The following CRKL variants were observed in gnomAD, a reference collection of about 807,000 sequenced individuals.
CRKL encodes the protein crk-like protein.
In CRKL, 3 loss-of-function variants were observed where a neutral mutation model predicts 23.0. The observed-to-expected ratio is 0.13, with a 90% CI of 0.06 to 0.34. The LOEUF (loss-of-function observed/expected upper bound fraction) is 0.34. Ranked by LOEUF, CRKL falls within the 10% of genes least tolerant of loss-of-function variation. The probability of loss-of-function intolerance (pLI) is 1.00; values close to 1 mark genes in which losing one functional copy is unlikely to be tolerated. For missense variants in CRKL, 256 were observed against 394.5 expected (o/e 0.65, Z 2.97); for synonymous variants, 188 against 160.7 (o/e 1.17, Z -1.28).
intron 1 of CRKL, among the ~76,000 whole-genome samples, chr22:20,931,893 G>C (rs1921467784): frequency 6.6e-6 from 1 of 151,878 alleles, no homozygotes; most frequent in Admixed American, 6.6e-5. Context: ...CTCACTGCAA[G>C]CTCCGCCTCC....
chr22:20,924,215 G>A (rs1006388315), intron 1 of CRKL, among the ~76,000 whole-genome samples: 1 of 152,088 alleles, frequency 6.6e-6, no homozygotes, highest in African/African-American at 2.4e-5. Flanking sequence ...ATGAATGTAA[G>A]TTGTATATAT....
chr22:20,946,519 A>G (rs1569138301), intron 2 of CRKL, among the ~76,000 whole-genome samples: 1 of 152,140 alleles, frequency 6.6e-6, no homozygotes, highest in African/African-American at 2.4e-5. Context: ...GTGAAAATTA[A>G]TAAGGATGAT....
At chr22:20,943,005 G>A (rs565927307) in intron 2 of CRKL, among the ~76,000 whole-genome samples, 12 of 151,488 alleles carry the variant, frequency 7.9e-5, no homozygotes, top group African/African-American at 2.2e-4. Context: ...CTTCTTCACC[G>A]CCAAAAAAAA....
rs529045735 is a variant in CRKL, at chr22:20,953,403, C to T, written c.*3558C>T. On this transcript the variant is annotated 3_prime_UTR_variant, in exon 3 of 3. Transcript: ENST00000354336. The stretch of plus-strand genomic sequence containing the variant: ...AGGAACAGTGGCCTTGCTTCTTAGA[C>T]GGTCTTCACTGTGTGTTTTAAAACA... The T allele has an allele frequency of 7.5e-5, 17 of 226,122 alleles. No homozygotes were observed. Among genetic ancestry groups the T allele is most frequent in the African/African-American group, 1.8e-4 (8 of 43,790 alleles). The allele number at this position is 226,122 out of a possible 1,614,324, so 14.0% of individuals were successfully genotyped here.
intron 1 of CRKL, among the ~76,000 whole-genome samples, 181 bp from the exon 2 acceptor site, chr22:20,933,598 G>A (rs562700728): frequency 6.6e-6 from 1 of 152,248 alleles, no homozygotes; most frequent in East Asian, 1.9e-4. Context: ...AACCTGGGAG[G>A]CAGAGTTTGC....
chr22:20,929,097 A>G (rs989521567), intron 1 of CRKL, among the ~76,000 whole-genome samples: 1 of 152,190 alleles, frequency 6.6e-6, no homozygotes, highest in Non-Finnish European at 1.5e-5. Flanking sequence ...ACAATAGGCA[A>G]AAAGTGAGAA....
chr22:20,917,983 G>C lies in CRKL; in HGVS notation c.49G>C (p.Gly17Arg), dbSNP rs758939601. 6.2e-7 allele frequency: 1 copy of C among 1,614,172 alleles called. No homozygotes were observed. Reference protein sequence around the residue: ...DSSDRSAWYMGPVSRQEAQTR... With the variant: ...DSSDRSAWYMRPVSRQEAQTR... ...CTCGGACCGCTCCGCCTGGTATATGGGGCCGGTGTCTCGCCAGGAGGCGCA... is the reference window on the plus strand; with the variant it reads ...CTCGGACCGCTCCGCCTGGTATATGCGGCCGGTGTCTCGCCAGGAGGCGCA... The change falls in exon 1 of 3, where the codon GGG (glycine) becomes CGG (arginine). Residue 17 changes from glycine (G) to arginine (R), a missense_variant. Gly to Arg is a moderately radical substitution (Grantham distance 125). Around this residue, in one of 3 missense-constraint regions of CRKL, gnomAD observed 85 missense variants for 139.8 expected, o/e 0.61. Transcript: ENST00000354336.
intron 1 of CRKL, among the ~76,000 whole-genome samples, chr22:20,921,404 G>A (rs1182425335): frequency 6.6e-6 from 1 of 152,182 alleles, no homozygotes; most frequent in Non-Finnish European, 1.5e-5. Flanking sequence ...GTAACCCAGT[G>A]TAGGTACTGG....
rs571806225 is a variant in CRKL, at chr22:20,950,159, A to G, written c.*314A>G. 2 of 349,194 alleles carry G rather than the reference A, an allele frequency of 5.7e-6. No individual in the cohort carries two copies. Among genetic ancestry groups the G allele is most frequent in the Admixed American group, 5.0e-5 (1 of 19,858 alleles). The allele number at this position is 349,194 out of a possible 1,614,324, so 21.6% of individuals were successfully genotyped here. On this transcript the variant is annotated 3_prime_UTR_variant, in exon 3 of 3. Transcript: ENST00000354336. ...CCTTCTCATTGCTGCCCGTTTGTAC[A>G]TGGGACTGATTCTGTTGTGTTCACC...
rs753427288 is a variant in CRKL, at chr22:20,933,808, C to T, written c.341C>T (p.Ser114Leu). The T allele has an allele frequency of 1.2e-6, 2 of 1,613,964 alleles. No individual in the cohort carries two copies. Among genetic ancestry groups the T allele is most frequent in the South Asian group, 2.2e-5 (2 of 91,070 alleles). Reference sequence around the variant, plus strand: ...CCAAGCCCACCAATGGGATCTGTCTCAGCACCCAACCTGCCTACAGCAGAA... The same window carrying T: ...CCAAGCCCACCAATGGGATCTGTCTTAGCACCCAACCTGCCTACAGCAGAA... ...RYPSPPMGSV[S>L]APNLPTAEDN... The change falls in exon 2 of 3, where the codon TCA becomes TTA. Residue 114 changes from serine (S) to leucine (L), a missense_variant. Coordinates refer to ENST00000354336, the MANE Select transcript of CRKL (RefSeq NM_005207.4).
chr22:20,941,588 A>ATATTTTTTTTTTTTTTTTTTTTT, intron 2 of CRKL, among the ~76,000 whole-genome samples: 1 of 33,540 alleles, frequency 3.0e-5, no homozygotes, highest in Non-Finnish European at 5.0e-5. Flanking sequence ...GTATATATAT[A>ATATTTTTTTTTTTTTTTTTTTTT]TTTTTTTTTT....
In CRKL at chr22:20,918,048, C is replaced by T. The variant is rs745406845; in HGVS notation, c.114C>T (p.Val38=). ...GCCAGCGCCACGGTATGTTCCTCGT[C>T]CGCGATTCTTCCACCTGCCCTGGGG... is the stretch of plus-strand genomic sequence containing the variant. ...LQGQRHGMFL[V]RDSSTCPGDY... The change falls in exon 1 of 3, where the codon GTC becomes GTT. Residue 38 remains valine, a synonymous_variant. Coordinates refer to ENST00000354336, the MANE Select transcript of CRKL (RefSeq NM_005207.4). 3 of 1,614,264 alleles carry T rather than the reference C, an allele frequency of 1.9e-6. No homozygotes were observed. The highest frequency in any genetic ancestry group is 1.7e-5 in the Admixed American group (1 of 60,026).
chr22:20,924,633 T>C (rs562239673), intron 1 of CRKL, among the ~76,000 whole-genome samples: 11 of 151,696 alleles, frequency 7.3e-5, no homozygotes, highest in Admixed American at 3.9e-4. Context: ...GGTGGGTGGA[T>C]TGCCTGAGTG....
At chr22:20,933,642 TG>T in intron 1 of CRKL, 136 bp from the exon 2 acceptor site, 1 of 729,408 alleles carries the variant, frequency 1.4e-6, no homozygotes, top group Non-Finnish European at 2.2e-6. Flanking sequence ...CACTCCAGCC[TG>T]GGCGACAAGA....
At chr22:20,941,538 A>ATGTGTGTG (rs1187984983) in intron 2 of CRKL, among the ~76,000 whole-genome samples, 1,604 of 50,406 alleles carry the variant, frequency 0.032, 286 homozygotes, top group Non-Finnish European at 0.041. Flanking sequence ...TATATATTTT[A>ATGTGTGTG]TGTGTGTGTG....
At chr22:20,926,876 C>A (rs1037615900) in intron 1 of CRKL, among the ~76,000 whole-genome samples, 1 of 151,848 alleles carries the variant, frequency 6.6e-6, no homozygotes, top group Admixed American at 6.6e-5. Flanking sequence ...CCTTGGGAGG[C>A]GGAGGCAGGT....
intron 2 of CRKL, among the ~76,000 whole-genome samples, chr22:20,935,443 C>T (rs1470969096): frequency 2.0e-5 from 3 of 152,058 alleles, no homozygotes; most frequent in Non-Finnish European, 4.4e-5. Context: ...TACATCAGCC[C>T]TTGCTTGTTA....
intron 2 of CRKL, among the ~76,000 whole-genome samples, chr22:20,945,702 T>C (rs1922032994): frequency 6.6e-6 from 1 of 152,204 alleles, no homozygotes; most frequent in Non-Finnish European, 1.5e-5. Flanking sequence ...TCTTAAAGCC[T>C]CTATCTCTCT....
intron 2 of CRKL, among the ~76,000 whole-genome samples, chr22:20,939,209 G>A (rs1244479514): frequency 6.8e-6 from 1 of 146,826 alleles, no homozygotes; most frequent in Non-Finnish European, 1.5e-5. Context: ...TGTATTTCCT[G>A]TGGCACATCT....
Sources: allele counts gnomAD v4.1 joint callset (sites outside exome capture counted in the v4.1 genomes callset), GRCh38; gene constraint gnomAD v4.1.1; regional missense constraint gnomAD v4.1.1; transcripts MANE v1.5; gene names NCBI Gene and HGNC (gene_info 2026-07-23, HGNC 2026-07-21).